Variants in TMEM163 observed in about 807,000 individuals in gnomAD.
The protein encoded by TMEM163 is transmembrane protein 163.
Under a neutral mutation model 29.3 loss-of-function variants are expected in TMEM163, and 17 were observed. The ratio of observed to expected loss-of-function variants is 0.58; its 90% CI spans 0.40 to 0.87. The LOEUF is 0.87. Among genes scored for constraint, TMEM163 ranks in the 40% least tolerant of loss-of-function variants. The pLI is 0.00. For missense variants in TMEM163, 303 were observed against 381.5 expected (o/e 0.79, Z 1.71); for synonymous variants, 157 against 160.6 (o/e 0.98, Z 0.17).
At chr2:134,552,226 T>G in intron 2 of TMEM163, 135 bp from the exon 3 acceptor site, 1 of 621,810 alleles carries the variant, frequency 1.6e-6, no homozygotes. Flanking sequence ...ACTGTACTTG[T>G]AAAATCTAAG....
chr2:134,540,878 C>G (rs1680649192), intron 4 of TMEM163, among the ~76,000 whole-genome samples: 1 of 152,204 alleles, frequency 6.6e-6, no homozygotes, highest in South Asian at 2.1e-4. Context: ...TTCTGCAATT[C>G]TTTATGAGCA....
intron 2 of TMEM163, among the ~76,000 whole-genome samples, chr2:134,563,568 A>C (rs1681229037): frequency 6.6e-6 from 1 of 152,274 alleles, no homozygotes; most frequent in African/African-American, 2.4e-5. Flanking sequence ...AAACTAAAAA[A>C]ATATGCAAGA....
At chr2:134,554,875 T>G (rs1244868227) in intron 2 of TMEM163, among the ~76,000 whole-genome samples, 1 of 152,192 alleles carries the variant, frequency 6.6e-6, no homozygotes, top group African/African-American at 2.4e-5. Context: ...AAGGAAAATA[T>G]GAGCGAGATG....
chr2:134,555,697 G>C (rs1164179588), intron 2 of TMEM163, among the ~76,000 whole-genome samples: 1 of 152,220 alleles, frequency 6.6e-6, no homozygotes, highest in East Asian at 1.9e-4. Context: ...TTAGGATGCA[G>C]CTGAGCTCCT....
At chr2:134,560,735 T>G (rs1681150992) in intron 2 of TMEM163, among the ~76,000 whole-genome samples, 1 of 152,200 alleles carries the variant, frequency 6.6e-6, no homozygotes, top group South Asian at 2.1e-4. Flanking sequence ...GGAAAGTCTC[T>G]AGCATGGACC....
At chr2:134,556,358 C>T (rs547029957) in intron 2 of TMEM163, among the ~76,000 whole-genome samples, 64 of 152,148 alleles carry the variant, frequency 4.2e-4, no homozygotes, top group South Asian at 2.1e-3. Context: ...GATTTTAATG[C>T]GTAAGAAATG....
chr2:134,499,231 T>C (rs929643891), intron 5 of TMEM163, among the ~76,000 whole-genome samples: 1 of 152,206 alleles, frequency 6.6e-6, no homozygotes, highest in Admixed American at 6.5e-5. Context: ...GGGTCAGTAG[T>C]GTCATGGGTT....
chr2:134,662,851 A>G (rs56172528), intron 2 of TMEM163, among the ~76,000 whole-genome samples: 16,059 of 152,168 alleles, frequency 0.11, 1,012 homozygotes, highest in South Asian at 0.17. Context: ...GGCAGACTTG[A>G]GGCTGCCTGC....
At chr2:134,474,789 A>G (rs1173027270) in intron 5 of TMEM163, among the ~76,000 whole-genome samples, 1 of 152,188 alleles carries the variant, frequency 6.6e-6, no homozygotes, top group Non-Finnish European at 1.5e-5. Flanking sequence ...ATACTCAGTG[A>G]TAAATTTTAC....
intron 5 of TMEM163, among the ~76,000 whole-genome samples, chr2:134,487,062 C>A (rs558464474): frequency 6.6e-6 from 1 of 152,134 alleles, no homozygotes; most frequent in South Asian, 2.1e-4. Flanking sequence ...AATTGAGAAG[C>A]CCTTCTGTTA....
At chr2:134,618,244 T>C (rs1682654726) in intron 2 of TMEM163, among the ~76,000 whole-genome samples, 1 of 152,096 alleles carries the variant, frequency 6.6e-6, no homozygotes, top group Non-Finnish European at 1.5e-5. Context: ...GCAGTAACCA[T>C]AAGAGACCTA....
intron 6 of TMEM163, among the ~76,000 whole-genome samples, chr2:134,463,644 G>A (rs1686599881): frequency 2.0e-5 from 3 of 152,224 alleles, no homozygotes; most frequent in Admixed American, 1.3e-4. Context: ...AGATCCGGCT[G>A]TGCTAGAAAG....
chr2:134,650,748 G>A lies in TMEM163; in HGVS notation c.322+62452C>T, dbSNP rs367664233. 1.6e-4 allele frequency among the ~76,000 whole-genome samples: 20 copies of A among 123,298 alleles called. 1 individual carries two copies. The South Asian group carries it at 5.2e-3, about 32-fold the overall frequency. The allele number at this position is 123,298 out of a possible 152,430, so 80.9% of individuals were successfully genotyped here. A position where few individuals can be genotyped will look rare whatever the true frequency, so the allele number is the denominator to read the frequency against. On this transcript the variant is annotated intron_variant, in intron 2 of 7. Coordinates refer to ENST00000281924, the MANE Select transcript of TMEM163 (RefSeq NM_030923.5). ...GTGATATTCCCCTTCCTGTGTCCATGTGATCTCATTGTTCAATTCCCACCT... is the reference window on the plus strand; with the variant it reads ...GTGATATTCCCCTTCCTGTGTCCATATGATCTCATTGTTCAATTCCCACCT...
chr2:134,626,229 C>T (rs1359986738), intron 2 of TMEM163, among the ~76,000 whole-genome samples: 18 of 151,486 alleles, frequency 1.2e-4, no homozygotes, highest in Admixed American at 1.1e-3. Context: ...CTCAGCCTCC[C>T]GAGTAACTGG....
intron 2 of TMEM163, among the ~76,000 whole-genome samples, chr2:134,621,926 C>A (rs915860145): frequency 5.3e-5 from 8 of 151,836 alleles, no homozygotes; most frequent in South Asian, 2.1e-4. Context: ...AAAAACTAAA[C>A]CCAATGTGGT....
At chr2:134,655,250 T>C (rs1683572057) in intron 2 of TMEM163, among the ~76,000 whole-genome samples, 1 of 139,276 alleles carries the variant, frequency 7.2e-6, no homozygotes, top group Non-Finnish European at 1.5e-5. Context: ...CTCATTTCTG[T>C]TTATTCTTTT....
intron 4 of TMEM163, among the ~76,000 whole-genome samples, chr2:134,505,577 G>C (rs1046072545): frequency 1.3e-5 from 2 of 152,062 alleles, no homozygotes; most frequent in Non-Finnish European, 2.9e-5. Context: ...ATCAAGTAGG[G>C]CAGCCACAAC....
At position 134,718,967 on chromosome 2, in the gene TMEM163, C is replaced by T. The variant is rs1399255142; in HGVS notation, c.-32G>A. 3 of 1,028,768 alleles carry T rather than the reference C, an allele frequency of 2.9e-6. No homozygotes were observed. Among genetic ancestry groups the T allele is most frequent in the African/African-American group, 1.7e-5 (1 of 57,560 alleles). 63.7% of individuals were successfully genotyped at this position (1,028,768 alleles called of 1,614,324 possible). ...GGGCTGCGGATCCCGGCGGCGGCGA[C>T]GACAAGCGCGGCGGGGACTCGAGTC... On this transcript the variant is annotated 5_prime_UTR_variant, in exon 1 of 8. Coordinates refer to ENST00000281924, the MANE Select transcript of TMEM163 (RefSeq NM_030923.5).
intron 2 of TMEM163, among the ~76,000 whole-genome samples, chr2:134,666,178 C>T (rs1161253505): frequency 6.6e-6 from 1 of 152,128 alleles, no homozygotes; most frequent in Non-Finnish European, 1.5e-5. Context: ...CCACCCACCA[C>T]CACCTTCCAC....
Sources: gnomAD v4.1 joint callset for allele counts (sites outside exome capture counted in the v4.1 genomes callset) on GRCh38, gnomAD v4.1.1 for gene constraint, MANE v1.5 for transcripts, NCBI Gene and HGNC (gene_info 2026-07-23, HGNC 2026-07-21) for gene names.